Variants in WWOX observed in about 807,000 individuals in gnomAD.
WWOX encodes the protein WW domain-containing oxidoreductase.
A neutral mutation model predicts 46.2 loss-of-function variants in WWOX; 69 were observed. That is an observed-to-expected ratio of 1.49 (90% CI 1.23 to 1.82). The LOEUF is 1.82. WWOX is among the 40% of genes most tolerant of loss of function. The pLI is 0.00. For synonymous variants in WWOX, 359 were observed against 202.6 expected (o/e 1.77, Z -6.56); for missense variants, 919 against 542.6 (o/e 1.69, Z -6.89).
intron 8 of WWOX, among the ~76,000 whole-genome samples, chr16:78,621,478 T>G (rs1306938734): frequency 6.6e-6 from 1 of 151,096 alleles, no homozygotes; most frequent in Non-Finnish European, 1.5e-5. Context: ...CATCTCTCCC[T>G]CTACTTAGAT....
rs550169051 is a variant in WWOX at position 78,742,956 on chromosome 16, A to C, written c.1056+310204A>C. Among the ~76,000 whole-genome samples, 342 of 152,212 alleles carry C rather than the reference A, an allele frequency of 2.2e-3. 2 individuals are homozygous for C. The highest frequency in any genetic ancestry group is 7.8e-3 in the African/African-American group (323 of 41,540). ...AGAAGGCCCTGGCTTGTGGAAGAGT[A>C]AGAGGGGCCTCGTTAATGTCTCCCA... On this transcript the variant is annotated intron_variant, in intron 8 of 8. Coordinates refer to ENST00000566780, the MANE Select transcript of WWOX (RefSeq NM_016373.4).
At chr16:78,479,623 C>T (rs867663289) in intron 8 of WWOX, among the ~76,000 whole-genome samples, 2 of 152,116 alleles carry the variant, frequency 1.3e-5, no homozygotes, top group African/African-American at 4.8e-5. Flanking sequence ...GCTCTCGTTG[C>T]CTCCAAGGAG....
chr16:78,214,966 T>A (rs770375387), intron 5 of WWOX, among the ~76,000 whole-genome samples: 1 of 152,198 alleles, frequency 6.6e-6, no homozygotes, highest in Non-Finnish European at 1.5e-5. Context: ...TTACAGAGAC[T>A]ACCATGAGAA....
At chr16:78,719,262 C>T (rs763497848) in intron 8 of WWOX, among the ~76,000 whole-genome samples, 2 of 152,086 alleles carry the variant, frequency 1.3e-5, no homozygotes, top group South Asian at 2.1e-4. Flanking sequence ...CCACACAAAA[C>T]GGGTGACCAT....
chr16:78,927,311 A>G lies in WWOX; in HGVS notation c.1057-284297A>G, dbSNP rs1218434572. ...CTCCAGCAGAGCCTGCTCTTGGTCCACTGTTTATCCTGGTGACCTTAGGCA... is the reference window on the plus strand; with the variant it reads ...CTCCAGCAGAGCCTGCTCTTGGTCCGCTGTTTATCCTGGTGACCTTAGGCA... On this transcript the variant is annotated intron_variant, in intron 8 of 8. Coordinates refer to ENST00000566780, the MANE Select transcript of WWOX (RefSeq NM_016373.4). Among the ~76,000 whole-genome samples the G allele has an allele frequency of 3.9e-5, 6 of 152,206 alleles. No individual in the cohort carries two copies. The South Asian group carries it at 8.3e-4, about 21-fold the overall frequency.
rs35509706 is a variant in WWOX at position 78,185,487 on chromosome 16, A to AT, written c.516+21213dup. Reference sequence around the variant, plus strand: ...TTTTCAAGTTGAACTGTGAACTGTGATTTTTTTTTTTTTTTAAGTAAGTTT... The same window carrying AT: ...TTTTCAAGTTGAACTGTGAACTGTGATTTTTTTTTTTTTTTTAAGTAAGTTT... On this transcript the variant is annotated intron_variant, in intron 5 of 8. Coordinates refer to ENST00000566780, the MANE Select transcript of WWOX (RefSeq NM_016373.4). 5.8e-3 allele frequency among the ~76,000 whole-genome samples: 845 copies of AT among 144,782 alleles called. 1 individual carries two copies. The highest frequency in any genetic ancestry group is 0.014 in the African/African-American group (558 of 39,322). 95.0% of individuals were successfully genotyped at this position (144,782 alleles called of 152,430 possible).
chr16:78,653,957 T>A (rs2047023496), intron 8 of WWOX, among the ~76,000 whole-genome samples: 1 of 152,204 alleles, frequency 6.6e-6, no homozygotes, highest in East Asian at 1.9e-4. Flanking sequence ...CTGCAGATAT[T>A]CTTACAAAAG....
At chr16:78,915,478 G>T (rs1597145449) in intron 8 of WWOX, among the ~76,000 whole-genome samples, 1 of 152,092 alleles carries the variant, frequency 6.6e-6, no homozygotes, top group East Asian at 1.9e-4. Context: ...TCCCTCTAAT[G>T]ACGCTGGCCA....
intron 8 of WWOX, chr16:78,996,135 A>G (rs1403431902): frequency 1.1e-6 from 1 of 914,380 alleles, no homozygotes; most frequent in Non-Finnish European, 1.3e-6. Context: ...TCAGGCGTAG[A>G]ATGTTCTTTT....
At chr16:78,928,646 G>A (rs1188147311) in intron 8 of WWOX, among the ~76,000 whole-genome samples, 7 of 150,244 alleles carry the variant, frequency 4.7e-5, no homozygotes, top group Non-Finnish European at 7.4e-5. Context: ...CTGAGAAGGG[G>A]TTTCTTTGAC....
In WWOX at chr16:78,831,739, A is replaced by G. The variant is rs187658992; in HGVS notation, c.1057-379869A>G. Reference sequence around the variant, plus strand: ...AATCCCTGGTATTCAATAAGTACTCAGTAAATACTAGTGAAAATAATGATT... The same window carrying G: ...AATCCCTGGTATTCAATAAGTACTCGGTAAATACTAGTGAAAATAATGATT... On this transcript the variant is annotated intron_variant, in intron 8 of 8. Coordinates refer to ENST00000566780, the MANE Select transcript of WWOX (RefSeq NM_016373.4). 2.0e-3 allele frequency among the ~76,000 whole-genome samples: 300 copies of G among 152,366 alleles called. 2 individuals carry two copies. The highest frequency in any genetic ancestry group is 6.9e-3 in the African/African-American group (289 of 41,590).
chr16:78,876,745 C>G (rs967947630), intron 8 of WWOX, among the ~76,000 whole-genome samples: 12 of 152,012 alleles, frequency 7.9e-5, no homozygotes. Flanking sequence ...AGAAAATTAA[C>G]TAAAAGAAGA....
At chr16:78,793,043 T>G (rs756983420) in intron 8 of WWOX, among the ~76,000 whole-genome samples, 19 of 152,114 alleles carry the variant, frequency 1.2e-4, no homozygotes, top group Non-Finnish European at 2.2e-4. Context: ...CCCCCTTTCT[T>G]TCTTTCATCT....
intron 8 of WWOX, among the ~76,000 whole-genome samples, chr16:79,062,820 G>C (rs2048378891): frequency 6.6e-6 from 1 of 152,126 alleles, no homozygotes; most frequent in Non-Finnish European, 1.5e-5. Flanking sequence ...AACAGTGCTT[G>C]AGAGTATTTC....
chr16:78,140,929 G>T (rs1329319380), intron 4 of WWOX, among the ~76,000 whole-genome samples: 2 of 152,172 alleles, frequency 1.3e-5, no homozygotes, highest in African/African-American at 4.8e-5. Flanking sequence ...GAAAGAAATA[G>T]GTATTTCCTG....
intron 4 of WWOX, among the ~76,000 whole-genome samples, chr16:78,133,236 A>G (rs79844865): frequency 6.6e-6 from 1 of 152,320 alleles, no homozygotes; most frequent in African/African-American, 2.4e-5. Flanking sequence ...TAAACTGAGA[A>G]GTACCTGAAA....
At chr16:78,875,361 C>T (rs1256616146) in intron 8 of WWOX, among the ~76,000 whole-genome samples, 3 of 152,122 alleles carry the variant, frequency 2.0e-5, no homozygotes, top group Non-Finnish European at 4.4e-5. Context: ...TTATGATGCT[C>T]CCAGTATATA....
intron 8 of WWOX, among the ~76,000 whole-genome samples, chr16:78,831,719 C>G (rs779272926): frequency 3.9e-4 from 60 of 152,158 alleles, no homozygotes; most frequent in Non-Finnish European, 6.3e-4. Context: ...AGCATAATCC[C>G]TGGTATTCAA....
chr16:78,777,800 A>G (rs564646264), intron 8 of WWOX, among the ~76,000 whole-genome samples: 1 of 152,216 alleles, frequency 6.6e-6, no homozygotes, highest in Non-Finnish European at 1.5e-5. Context: ...TAATCCCAGC[A>G]CTTTGGGAGG....
Sources: gnomAD v4.1 joint callset for allele counts (sites outside exome capture counted in the v4.1 genomes callset) on GRCh38, gnomAD v4.1.1 for gene constraint, MANE v1.5 for transcripts, NCBI Gene and HGNC (gene_info 2026-07-23, HGNC 2026-07-21) for gene names.